UBE2E3: variants seen among roughly 807,000 people sequenced by gnomAD.
The protein encoded by UBE2E3 is ubiquitin-conjugating enzyme E2 E3.
In UBE2E3, 5 loss-of-function variants were observed where a neutral mutation model predicts 23.6. The ratio of observed to expected loss-of-function variants is 0.21; its 90% confidence interval spans 0.11 to 0.44. The LOEUF (loss-of-function observed/expected upper bound fraction) is 0.44. Ranked by LOEUF, UBE2E3 falls within the 20% of genes least tolerant of loss-of-function variation. The probability of loss-of-function intolerance (pLI) is 0.99; values close to 1 mark genes in which losing one functional copy is unlikely to be tolerated. For synonymous variants in UBE2E3, 78 were observed against 87.5 expected (o/e 0.89, Z 0.60); for missense variants, 81 against 249.8 (o/e 0.32, Z 4.55).
At chr2:180,990,107 T>A (rs1684610472) in intron 3 of UBE2E3, 1 of 992,932 alleles carries the variant, frequency 1.0e-6, no homozygotes, top group Non-Finnish European at 1.4e-6. Flanking sequence ...CTTCAAACTT[T>A]TAACCTTTCT....
chr2:181,034,349 A>G (rs1686192502), intron 3 of UBE2E3, among the ~76,000 whole-genome samples: 1 of 152,232 alleles, frequency 6.6e-6, no homozygotes, highest in African/African-American at 2.4e-5. Context: ...GTGCAGCCAT[A>G]AGAAAGGATG....
intron 3 of UBE2E3, among the ~76,000 whole-genome samples, chr2:181,001,236 A>T (rs772176103): frequency 6.6e-6 from 1 of 152,218 alleles, no homozygotes; most frequent in Non-Finnish European, 1.5e-5. Context: ...ACTACATTTA[A>T]TGTAAATTAG....
chr2:181,024,943 A>G (rs982428454), intron 3 of UBE2E3, among the ~76,000 whole-genome samples: 1 of 152,052 alleles, frequency 6.6e-6, no homozygotes, highest in African/African-American at 2.4e-5. Context: ...CTCTATTAAT[A>G]AAAGTAGAAC....
chr2:180,991,364 C>G (rs1337621317), intron 3 of UBE2E3, among the ~76,000 whole-genome samples: 1 of 152,128 alleles, frequency 6.6e-6, no homozygotes, highest in African/African-American at 2.4e-5. Flanking sequence ...TTAGGCACAG[C>G]AAGAGATTAA....
intron 3 of UBE2E3, among the ~76,000 whole-genome samples, chr2:181,017,538 T>A (rs1318366417): frequency 6.6e-6 from 1 of 151,926 alleles, no homozygotes. Context: ...ATGTGTATTG[T>A]CTAAAGTCAC....
chr2:181,060,098 T>C (rs892288166), intron 4 of UBE2E3, among the ~76,000 whole-genome samples: 3 of 151,686 alleles, frequency 2.0e-5, no homozygotes, highest in Non-Finnish European at 4.4e-5. Context: ...AACAAGACAG[T>C]GAACCAGCTG....
At chr2:181,005,128 G>T (rs150835660) in intron 3 of UBE2E3, among the ~76,000 whole-genome samples, 1 of 152,274 alleles carries the variant, frequency 6.6e-6, no homozygotes, top group East Asian at 1.9e-4. Flanking sequence ...TCACATAACT[G>T]ATAAAGTCAG....
In UBE2E3 at chr2:181,001,408, C is replaced by T. The variant is rs560272308; in HGVS notation, c.245+17315C>T. ...AAAAGAAACATACAATTATGTTTTG[C>T]CTTGAGTCCCAGAAGTCCTCCACCC... On this transcript the variant is annotated intron_variant, in intron 3 of 5. Coordinates refer to ENST00000410062, the MANE Select transcript of UBE2E3 (RefSeq NM_006357.4). 5.2e-4 allele frequency among the ~76,000 whole-genome samples: 79 copies of T among 152,164 alleles called. No homozygotes were observed. The South Asian group carries it at 0.014, about 28-fold the overall frequency.
At chr2:180,982,918 A>G (rs1280495646) in intron 2 of UBE2E3, among the ~76,000 whole-genome samples, 18 of 152,148 alleles carry the variant, frequency 1.2e-4, no homozygotes, top group Admixed American at 1.2e-3. Flanking sequence ...AAACTTGTGG[A>G]TGTGCTTGAC....
chr2:181,028,079 T>A (rs1685954586), intron 3 of UBE2E3, among the ~76,000 whole-genome samples: 1 of 152,068 alleles, frequency 6.6e-6, no homozygotes, highest in African/African-American at 2.4e-5. Flanking sequence ...TTACTTCTTA[T>A]AAAAATAATG....
chr2:181,030,184 G>T (rs1435555066), intron 3 of UBE2E3, among the ~76,000 whole-genome samples: 1 of 151,712 alleles, frequency 6.6e-6, no homozygotes, highest in Admixed American at 6.6e-5. Flanking sequence ...GGTGGTGGTG[G>T]CCTTATGTAA....
Position 181,061,186 on chromosome 2 carries a change from A to G in UBE2E3, c.526+374A>G. Among the ~76,000 whole-genome samples, 2 of 21,710 alleles carry G rather than the reference A, an allele frequency of 9.2e-5. 1 individual carries two copies. The highest frequency in any genetic ancestry group is 7.5e-4 in the African/African-American group (2 of 2,662). 14.2% of individuals were successfully genotyped at this position (21,710 alleles called of 152,430 possible). ...GCCGGACTGCGGACTGCAGTGGCGC[A>G]ATCTCGGCTCACTGCAAGCTCCGCT... On this transcript the variant is annotated intron_variant, in intron 5 of 5. Transcript: ENST00000410062.
intron 3 of UBE2E3, among the ~76,000 whole-genome samples, chr2:181,047,512 A>G (rs188587408): frequency 2.3e-4 from 35 of 152,194 alleles, no homozygotes; most frequent in Non-Finnish European, 3.7e-4. Context: ...CAACATCCAT[A>G]TCTTAGTTAA....
intron 3 of UBE2E3, among the ~76,000 whole-genome samples, chr2:181,029,994 T>A (rs1686025857): frequency 6.6e-6 from 1 of 151,844 alleles, no homozygotes; most frequent in African/African-American, 2.4e-5. Flanking sequence ...CCACCATGCC[T>A]GGCTAATTTT....
intron 3 of UBE2E3, among the ~76,000 whole-genome samples, chr2:181,035,987 T>A (rs1202527722): frequency 6.6e-6 from 1 of 152,214 alleles, no homozygotes; most frequent in Admixed American, 6.5e-5. Context: ...CAGTGCATTC[T>A]TCAAACAGTA....
intron 3 of UBE2E3, among the ~76,000 whole-genome samples, chr2:181,047,191 C>G (rs185636722): frequency 2.0e-5 from 3 of 152,236 alleles, no homozygotes; most frequent in Non-Finnish European, 4.4e-5. Context: ...TAATTAATCT[C>G]TCCTCTGCTT....
intron 3 of UBE2E3, among the ~76,000 whole-genome samples, chr2:181,038,998 T>C (rs117937147): frequency 1.3e-5 from 2 of 152,274 alleles, no homozygotes; most frequent in East Asian, 3.9e-4. Context: ...CCACTTGGGA[T>C]AACAGTTTTG....
chr2:180,986,188 A>G (rs1043588425), intron 3 of UBE2E3, among the ~76,000 whole-genome samples: 2 of 152,242 alleles, frequency 1.3e-5, no homozygotes, highest in South Asian at 2.1e-4. Context: ...AACTGCTGCA[A>G]ATGACATCTT....
At chr2:180,997,058 G>A (rs1684843799) in intron 3 of UBE2E3, among the ~76,000 whole-genome samples, 1 of 151,462 alleles carries the variant, frequency 6.6e-6, no homozygotes, top group Admixed American at 6.6e-5. Context: ...TCCACTTACA[G>A]GGAAACTTGT....
Sources: allele counts gnomAD v4.1 joint callset (sites outside exome capture counted in the v4.1 genomes callset), GRCh38; gene constraint gnomAD v4.1.1; transcripts MANE v1.5; gene names NCBI Gene and HGNC (gene_info 2026-07-23, HGNC 2026-07-21).